The following DMD variants were observed in gnomAD, a reference collection of about 807,000 sequenced individuals.
DMD encodes the protein mutant dystrophin.
In DMD, 63 loss-of-function variants were observed where a neutral mutation model predicts 330.1. That is an observed-to-expected ratio of 0.19 (90% CI 0.16 to 0.24). The LOEUF (loss-of-function observed/expected upper bound fraction) is 0.24, where lower values mean the gene tolerates loss of function less well. DMD is among the 10% of genes least tolerant of loss of function. The pLI, the probability that DMD is intolerant of heterozygous loss-of-function variation, is 1.00. For synonymous variants in DMD, 1,223 were observed against 959.8 expected, an observed-to-expected ratio of 1.27 and a Z score of -5.07; for missense variants, 3,344 against 2,684.1, an observed-to-expected ratio of 1.25 and a Z score of -5.43.
chrX:31,843,932 C>G (rs112590178), intron 48 of DMD, among the ~76,000 whole-genome samples: 31 of 109,638 alleles, frequency 2.8e-4, no homozygotes, highest in Non-Finnish European at 2.7e-4. Flanking sequence ...AATCTGGGCT[C>G]ACTGCAACCT....
chrX:31,958,242 T>C (rs1271726533), intron 45 of DMD, among the ~76,000 whole-genome samples: 1 of 109,300 alleles, frequency 9.1e-6, no homozygotes, highest in Non-Finnish European at 1.9e-5. Context: ...GACTGGGGCA[T>C]GTATTTCTTT....
At chrX:32,065,951 A>G (rs2096257280) in intron 44 of DMD, among the ~76,000 whole-genome samples, 1 of 111,187 alleles carries the variant, frequency 9.0e-6, no homozygotes, top group African/African-American at 3.3e-5. Context: ...CTTCTTTGTC[A>G]GGAAAAAAAA....
At chrX:33,202,840 G>A (rs921435383) in intron 1 of DMD, among the ~76,000 whole-genome samples, 1 of 111,781 alleles carries the variant, frequency 8.9e-6, no homozygotes, top group Non-Finnish European at 1.9e-5. Context: ...CTCTGACTTA[G>A]AGTTGCTGTC....
At chrX:32,462,078 A>G (rs2098385410) in intron 25 of DMD, among the ~76,000 whole-genome samples, 1 of 111,158 alleles carries the variant, frequency 9.0e-6, no homozygotes, top group African/African-American at 3.3e-5. Context: ...ACGTAAATTG[A>G]AACCCCTTAT....
At chrX:31,790,367 A>T (rs991286793) in intron 50 of DMD, among the ~76,000 whole-genome samples, 7 of 111,732 alleles carry the variant, frequency 6.3e-5, no homozygotes, top group African/African-American at 1.6e-4. Context: ...AAATTAGGTG[A>T]CTTGAACAGA....
intron 1 of DMD, among the ~76,000 whole-genome samples, chrX:33,310,346 A>G (rs1412560401): frequency 9.0e-6 from 1 of 111,279 alleles, no homozygotes; most frequent in African/African-American, 3.3e-5. Flanking sequence ...TTTTATATCA[A>G]TGAATTAAAT....
chrX:31,767,880 T>C (rs935398568), intron 51 of DMD, among the ~76,000 whole-genome samples: 1 of 112,149 alleles, frequency 8.9e-6, no homozygotes, highest in Admixed American at 9.5e-5. Context: ...AAAATTAAAC[T>C]CATTCAAGTA....
intron 50 of DMD, among the ~76,000 whole-genome samples, chrX:31,815,890 C>A (rs950728562): frequency 1.8e-5 from 2 of 111,730 alleles, no homozygotes; most frequent in African/African-American, 6.5e-5. Flanking sequence ...CCTGAGAATA[C>A]CATGTAATGA....
chrX:31,473,138 C>T lies in DMD; in HGVS notation c.8937+4968G>A, dbSNP rs186252603. On this transcript the variant is annotated intron_variant, in intron 59 of 78. Transcript: ENST00000357033. ...TTGGGAGGCCAAGGTGAACGGATCA[C>T]CTGAGGTCAGAAGTTCGAGACCAGC... Among the ~76,000 whole-genome samples the T allele has an allele frequency of 5.2e-3, 561 of 108,452 alleles. 1 individual carries two copies. Among genetic ancestry groups the T allele is most frequent in the Non-Finnish European group, 8.0e-3 (418 of 52,243 alleles). The allele number at this position is 108,452 out of a possible 115,157, so 94.2% of individuals were successfully genotyped here.
At chrX:31,641,317 T>A (rs112758371) in intron 54 of DMD, among the ~76,000 whole-genome samples, 2 of 107,534 alleles carry the variant, frequency 1.9e-5, no homozygotes, top group Admixed American at 1.0e-4. Flanking sequence ...CTGGCCAAGA[T>A]GGTGAAACCC....
intron 60 of DMD, among the ~76,000 whole-genome samples, chrX:31,437,275 TTC>T (rs1569542190): frequency 8.9e-6 from 1 of 112,161 alleles, no homozygotes; most frequent in African/African-American, 3.2e-5. Flanking sequence ...TAATTTTGTA[TTC>T]AAGCTACAGA....
At chrX:32,888,703 G>A (rs2084906969) in intron 2 of DMD, among the ~76,000 whole-genome samples, 1 of 111,869 alleles carries the variant, frequency 8.9e-6, no homozygotes, top group Non-Finnish European at 1.9e-5. Context: ...GTAGATATCT[G>A]CACACCCGTG....
At chrX:31,138,054 G>C (rs1475847540) in intron 76 of DMD, among the ~76,000 whole-genome samples, 1 of 111,895 alleles carries the variant, frequency 8.9e-6, no homozygotes, top group Non-Finnish European at 1.9e-5. Flanking sequence ...ATTCGGATTT[G>C]GCCACATAAC....
In DMD at chrX:32,485,055, T is replaced by C. The variant is rs759593799; in HGVS notation, c.2667A>G (p.Arg889=). 17 of 1,209,765 alleles carry C rather than the reference T, an allele frequency of 1.4e-5. No individual in the cohort carries two copies. Among genetic ancestry groups the C allele is most frequent in the Non-Finnish European group, 1.9e-5 (17 of 895,044 alleles). Residue 889 remains arginine (R), a synonymous_variant, in exon 21 of 79, where the codon CGA becomes CGG. Transcript: ENST00000357033. ...TCAGGGCTATGCTTTGAATTTTTAA[T>C]CGTTCAATTTGAGGTTGAAGATCTG... is the stretch of plus-strand genomic sequence containing the variant. ...RLSDLQPQIE[R]LKIQSIALKE...
chrX:31,427,682 C>T (rs766339192), intron 60 of DMD, among the ~76,000 whole-genome samples: 8 of 111,493 alleles, frequency 7.2e-5, no homozygotes, highest in African/African-American at 2.6e-4. Flanking sequence ...GAGGGGCATC[C>T]CAGCTTGAGT....
intron 60 of DMD, among the ~76,000 whole-genome samples, chrX:31,351,183 T>C (rs201451295): frequency 3.4e-5 from 3 of 87,841 alleles, no homozygotes; most frequent in African/African-American, 4.5e-5. Flanking sequence ...CACACACATA[T>C]ACATACATAC....
intron 25 of DMD, among the ~76,000 whole-genome samples, chrX:32,456,173 A>G (rs1374211099): frequency 1.8e-5 from 2 of 110,666 alleles, no homozygotes; most frequent in Non-Finnish European, 3.8e-5. Flanking sequence ...TATGTGTAGA[A>G]TCACTATCGC....
At chrX:33,237,495 T>C (rs1236736231) in intron 1 of DMD, among the ~76,000 whole-genome samples, 1 of 111,135 alleles carries the variant, frequency 9.0e-6, no homozygotes, top group Non-Finnish European at 1.9e-5. Context: ...TCCACTCACC[T>C]TGGCTTCCCA....
intron 55 of DMD, among the ~76,000 whole-genome samples, chrX:31,582,386 C>T (rs1176479823): frequency 1.8e-5 from 2 of 111,167 alleles, no homozygotes; most frequent in Non-Finnish European, 3.8e-5. Flanking sequence ...AGAAATGGGG[C>T]CTTGGAGAGA....
Sources: allele counts gnomAD v4.1 joint callset (sites outside exome capture counted in the v4.1 genomes callset), GRCh38; gene constraint gnomAD v4.1.1; transcripts MANE v1.5; gene names NCBI Gene and HGNC (gene_info 2026-07-23, HGNC 2026-07-21).